THSD7A: variants seen among roughly 807,000 people sequenced by gnomAD.
THSD7A encodes thrombospondin type-1 domain-containing protein 7A.
In THSD7A, 96 loss-of-function variants were observed where a neutral mutation model predicts 231.3. The ratio of observed to expected loss-of-function variants is 0.41; its 90% CI spans 0.35 to 0.49. THSD7A has a LOEUF of 0.49. THSD7A is among the 20% of genes least tolerant of loss of function. The pLI is 0.05. For synonymous variants in THSD7A, 940 were observed against 743.3 expected (o/e 1.26, Z -4.30); for missense variants, 2,290 against 2,070.2 (o/e 1.11, Z -2.06).
intron 4 of THSD7A, among the ~76,000 whole-genome samples, chr7:11,560,407 T>G (rs1790027868): frequency 6.6e-6 from 1 of 151,460 alleles, no homozygotes; most frequent in Admixed American, 6.7e-5. Flanking sequence ...ACATATTCTG[T>G]GACTATGATG....
intron 4 of THSD7A, among the ~76,000 whole-genome samples, chr7:11,562,453 T>G (rs1790114624): frequency 1.3e-5 from 2 of 152,282 alleles, no homozygotes; most frequent in South Asian, 2.1e-4. Flanking sequence ...CAGCTGAGCA[T>G]TTCAGGCACT....
At chr7:11,777,110 C>T (rs748705685) in intron 1 of THSD7A, among the ~76,000 whole-genome samples, 7 of 152,072 alleles carry the variant, frequency 4.6e-5, no homozygotes, top group African/African-American at 1.7e-4. Context: ...AGATAATGTG[C>T]GAGCGAAAAA....
chr7:11,776,086 G>C (rs935338462), intron 1 of THSD7A, among the ~76,000 whole-genome samples: 4 of 152,206 alleles, frequency 2.6e-5, no homozygotes, highest in African/African-American at 9.7e-5. Context: ...TGTCGAAGCA[G>C]ATGTTTCTGA....
At chr7:11,417,716 G>C in intron 16 of THSD7A, 113 bp from the exon 17 acceptor site, 1 of 1,055,564 alleles carries the variant, frequency 9.5e-7, no homozygotes, top group Non-Finnish European at 1.3e-6. Context: ...TTAAGACATC[G>C]TTATGGGGGT....
At position 11,412,745 on chromosome 7, in the gene THSD7A, G is replaced by T; in HGVS notation, c.3593C>A (p.Ala1198Asp). The T allele has an allele frequency of 1.2e-6, 2 of 1,613,658 alleles. No individual in the cohort carries two copies. The highest frequency in any genetic ancestry group is 1.7e-6 in the Non-Finnish European group (2 of 1,179,756). The part of the protein sequence containing the change: ...QRSADPIRQP[A>D]DEGRSCPNAV... ...ATTAGGGCAAGATCTTCCTTCATCA[G>T]CTGGTTGTCTGATGGGATCAGCTGA... The change falls in exon 18 of 28, where the codon GCT becomes GAT. Residue 1198 changes from alanine to aspartate, a missense_variant. By Grantham distance (126) the Ala-to-Asp change is moderately radical. Coordinates refer to ENST00000423059, the MANE Select transcript of THSD7A (RefSeq NM_015204.3).
At chr7:11,545,005 T>C (rs1789319106) in intron 4 of THSD7A, among the ~76,000 whole-genome samples, 1 of 152,088 alleles carries the variant, frequency 6.6e-6, no homozygotes, top group African/African-American at 2.4e-5. Flanking sequence ...AGCACACTAA[T>C]GACATAAAAT....
At chr7:11,414,841 G>C (rs532269097) in intron 17 of THSD7A, among the ~76,000 whole-genome samples, 1 of 152,242 alleles carries the variant, frequency 6.6e-6, no homozygotes, top group South Asian at 2.1e-4. Context: ...GGTCTTGTTC[G>C]TTTCTGCAGT....
At position 11,406,680 on chromosome 7, in the gene THSD7A, T is replaced by G. The variant is rs920542315; in HGVS notation, c.4063-206A>C. Among the ~76,000 whole-genome samples, 3 of 152,158 alleles carry G rather than the reference T, an allele frequency of 2.0e-5. No individual in the cohort carries two copies. Among genetic ancestry groups the G allele is most frequent in the Non-Finnish European group, 4.4e-5 (3 of 68,036 alleles). ...CTAGCTAAAGACAGGAAAATAAATT[T>G]TCATTAAAATGAATCAGTCTCCAAA... is the stretch of plus-strand genomic sequence containing the variant. On this transcript the variant is annotated intron_variant, in intron 21 of 27. Coordinates refer to ENST00000423059, the MANE Select transcript of THSD7A (RefSeq NM_015204.3). This position sits in a 1 kb window ranked among gnomAD's most constrained non-coding sequence, Gnocchi z 4.7.
Position 11,550,015 on chromosome 7 carries a change from G to C in THSD7A, c.1454-6898C>G, listed in dbSNP as rs990853266. ...AATCAGGCAAGAGAAAGAAATAAAAGGCATCCAAATAGGAAGAGATAAGGT... is the reference window on the plus strand; with the variant it reads ...AATCAGGCAAGAGAAAGAAATAAAACGCATCCAAATAGGAAGAGATAAGGT... On this transcript the variant is annotated intron_variant, in intron 4 of 27. Coordinates refer to ENST00000423059, the MANE Select transcript of THSD7A (RefSeq NM_015204.3). Among the ~76,000 whole-genome samples, 16 of 151,892 alleles carry C rather than the reference G, an allele frequency of 1.1e-4. 1 individual carries two copies. Among genetic ancestry groups the C allele is most frequent in the Admixed American group, 7.2e-4 (11 of 15,232 alleles).
chr7:11,686,465 A>T (rs1280750472), intron 1 of THSD7A, among the ~76,000 whole-genome samples: 1 of 151,928 alleles, frequency 6.6e-6, no homozygotes, highest in Non-Finnish European at 1.5e-5. Flanking sequence ...CATAGGGTAC[A>T]TATCTGACTT....
At chr7:11,785,298 G>A (rs111946992) in intron 1 of THSD7A, among the ~76,000 whole-genome samples, 1,918 of 152,006 alleles carry the variant, frequency 0.013, 37 homozygotes, top group African/African-American at 0.043. Flanking sequence ...ATTCATAGGC[G>A]CATTCATTAT....
chr7:11,603,658 G>A (rs1014228551), intron 2 of THSD7A, among the ~76,000 whole-genome samples: 142 of 151,714 alleles, frequency 9.4e-4, no homozygotes, highest in African/African-American at 3.4e-3. Context: ...ACTGGATTAA[G>A]AAAATGTGGC....
chr7:11,507,750 T>C (rs568689075), intron 6 of THSD7A, among the ~76,000 whole-genome samples: 221 of 152,326 alleles, frequency 1.5e-3, no homozygotes, highest in Non-Finnish European at 2.3e-3. Flanking sequence ...AAGAAATATT[T>C]GGTTTTTATT....
At chr7:11,417,325 T>C in intron 17 of THSD7A, 125 bp downstream of exon 17, 1 of 957,338 alleles carries the variant, frequency 1.0e-6, no homozygotes, top group Non-Finnish European at 1.5e-6. Context: ...CACCTTGCTT[T>C]GCTAAATATG....
chr7:11,633,113 C>G (rs1313997150), intron 2 of THSD7A, among the ~76,000 whole-genome samples: 2 of 152,040 alleles, frequency 1.3e-5, no homozygotes, highest in Admixed American at 1.3e-4. Flanking sequence ...TTTTTGAGCT[C>G]TAACAGATCA....
At chr7:11,602,917 A>G (rs67656175) in intron 2 of THSD7A, among the ~76,000 whole-genome samples, 49,486 of 150,568 alleles carry the variant, frequency 0.33, 8,517 homozygotes, top group Non-Finnish European at 0.38. Context: ...CTAAAACCAT[A>G]AAAACTCTAG....
At chr7:11,544,800 T>C (rs996480133) in intron 4 of THSD7A, among the ~76,000 whole-genome samples, 1 of 145,226 alleles carries the variant, frequency 6.9e-6, no homozygotes, top group South Asian at 2.2e-4. Context: ...TCTCCACATC[T>C]CCCCCGCCTC....
intron 4 of THSD7A, among the ~76,000 whole-genome samples, chr7:11,566,113 C>T (rs186317188): frequency 8.6e-4 from 130 of 151,422 alleles, no homozygotes; most frequent in African/African-American, 2.9e-3. Flanking sequence ...AAAACAAATA[C>T]GAAAGGTCAA....
chr7:11,529,658 C>T (rs1788621598), intron 6 of THSD7A, among the ~76,000 whole-genome samples: 1 of 152,090 alleles, frequency 6.6e-6, no homozygotes, highest in Admixed American at 6.6e-5. Flanking sequence ...CTTTGCCTTC[C>T]ACCATGATTG....
Sources: gnomAD v4.1 joint callset for allele counts (sites outside exome capture counted in the v4.1 genomes callset) on GRCh38, gnomAD v4.1.1 for gene constraint, Gnocchi (gnomAD v3.1) non-coding constraint, MANE v1.5 for transcripts, NCBI Gene and HGNC (gene_info 2026-07-23, HGNC 2026-07-21) for gene names.